GNG12: variants seen among roughly 807,000 people sequenced by gnomAD.
The protein encoded by GNG12 is G protein subunit gamma 12.
For synonymous variants in GNG12, 28 were observed against 29.7 expected, an observed-to-expected ratio of 0.94 and a Z score of 0.19; for missense variants, 69 against 83.8, an observed-to-expected ratio of 0.82 and a Z score of 0.69.
At chr1:67,757,288 G>A (rs1570518507) in intron 2 of GNG12, among the ~76,000 whole-genome samples, 1 of 152,180 alleles carries the variant, frequency 6.6e-6, no homozygotes, top group South Asian at 2.1e-4. Flanking sequence ...CACTTCTGGT[G>A]TCATGTCAGT....
chr1:67,783,621 T>C lies in GNG12; in HGVS notation c.-76-6114A>G, dbSNP rs556446542. 5.7e-4 allele frequency among the ~76,000 whole-genome samples: 86 copies of C among 151,564 alleles called. 4 individuals carry two copies. In the East Asian group the frequency reaches 0.015, roughly 27 times the overall value. On this transcript the variant is annotated intron_variant, in intron 1 of 3. Coordinates refer to ENST00000370982, the MANE Select transcript of GNG12 (RefSeq NM_018841.6). The stretch of plus-strand genomic sequence containing the variant: ...CTACAATGAACTCAAACAAATTTAC[T>C]AGAAAAAAACAACCCCATCAAAAAG...
intron 2 of GNG12, among the ~76,000 whole-genome samples, chr1:67,766,710 C>G (rs1646642603): frequency 1.3e-5 from 2 of 151,998 alleles, no homozygotes; most frequent in African/African-American, 2.4e-5. Flanking sequence ...GTAGGGCCTC[C>G]CTCTGAGAAA....
At chr1:67,818,612 A>G (rs1469647205) in intron 1 of GNG12, among the ~76,000 whole-genome samples, 1 of 152,092 alleles carries the variant, frequency 6.6e-6, no homozygotes, top group East Asian at 1.9e-4. Context: ...CAGATTGCTA[A>G]CAAAGAGGTC....
chr1:67,735,263 T>G (rs1646446671), intron 2 of GNG12, among the ~76,000 whole-genome samples: 2 of 152,248 alleles, frequency 1.3e-5, no homozygotes, highest in Admixed American at 6.5e-5. Flanking sequence ...CACGCAAGAC[T>G]TCTCAGGGTC....
chr1:67,707,037 G>C (rs970626978), intron 3 of GNG12, among the ~76,000 whole-genome samples: 17 of 152,160 alleles, frequency 1.1e-4, no homozygotes, highest in Non-Finnish European at 2.4e-4. Flanking sequence ...GGGATTTAGG[G>C]GAAAAGACTT....
chr1:67,821,139 C>A (rs1157533714), intron 1 of GNG12, among the ~76,000 whole-genome samples: 1 of 152,104 alleles, frequency 6.6e-6, no homozygotes, highest in East Asian at 1.9e-4. Context: ...CAGAAAGCTC[C>A]AAGGATGTCT....
chr1:67,819,815 G>C (rs555839291), intron 1 of GNG12, among the ~76,000 whole-genome samples: 44 of 152,276 alleles, frequency 2.9e-4, no homozygotes, highest in African/African-American at 1.0e-3. Flanking sequence ...TGCACTGGCT[G>C]TTCCCTCTAC....
chr1:67,753,535 T>C (rs1253467575), intron 2 of GNG12, among the ~76,000 whole-genome samples: 1 of 152,166 alleles, frequency 6.6e-6, no homozygotes, highest in African/African-American at 2.4e-5. Context: ...CAGCCAGAAC[T>C]GAAGCGGGGG....
At chr1:67,825,285 T>A (rs1439351097) in intron 1 of GNG12, among the ~76,000 whole-genome samples, 1 of 152,256 alleles carries the variant, frequency 6.6e-6, no homozygotes, top group African/African-American at 2.4e-5. Context: ...CCAGGTTAAA[T>A]GTGAAAGGCA....
intron 2 of GNG12, among the ~76,000 whole-genome samples, chr1:67,710,907 G>C (rs947159970): frequency 6.6e-6 from 1 of 152,126 alleles, no homozygotes; most frequent in South Asian, 2.1e-4. Context: ...AATATGTTGA[G>C]AATAAATGGG....
intron 1 of GNG12, among the ~76,000 whole-genome samples, chr1:67,800,306 T>A (rs1401068554): frequency 2.6e-5 from 4 of 152,208 alleles, no homozygotes; most frequent in Admixed American, 1.3e-4. Flanking sequence ...GGGGAAGTGG[T>A]CAAGCTCATG....
chr1:67,782,436 A>C (rs898907104), intron 1 of GNG12, among the ~76,000 whole-genome samples: 20 of 152,188 alleles, frequency 1.3e-4, no homozygotes, highest in African/African-American at 4.6e-4. Flanking sequence ...ATTTTAACCA[A>C]ATGGTACCAC....
chr1:67,757,632 C>G (rs759992750), intron 2 of GNG12, among the ~76,000 whole-genome samples: 8 of 152,214 alleles, frequency 5.3e-5, no homozygotes, highest in Non-Finnish European at 2.9e-5. Context: ...TCATGCCCTC[C>G]TGCCTTCCGG....
intron 2 of GNG12, among the ~76,000 whole-genome samples, chr1:67,773,725 T>C (rs572768379): frequency 4.6e-5 from 7 of 152,150 alleles, no homozygotes; most frequent in Non-Finnish European, 7.3e-5. Flanking sequence ...CACAGAGCAC[T>C]ATCAGGAAGT....
At position 67,709,877 on chromosome 1, in the gene GNG12, T is replaced by G. The variant is rs866960058; in HGVS notation, c.-26-2165A>C. Among the ~76,000 whole-genome samples, 534 of 120,424 alleles carry G rather than the reference T, an allele frequency of 4.4e-3. 9 individuals carry two copies. Among genetic ancestry groups the G allele is most frequent in the African/African-American group, 0.014 (408 of 29,286 alleles). 79.0% of individuals were successfully genotyped at this position (120,424 alleles called of 152,430 possible). On this transcript the variant is annotated intron_variant, in intron 2 of 3. Coordinates refer to ENST00000370982, the MANE Select transcript of GNG12 (RefSeq NM_018841.6). ...TTATATATATATAGTTATATATATA[T>G]TTATATATATAGTTATATATATATT...
chr1:67,814,574 T>C (rs1340693083), intron 1 of GNG12, among the ~76,000 whole-genome samples: 2 of 152,222 alleles, frequency 1.3e-5, no homozygotes. Context: ...TTTATAAACA[T>C]GGTACCTGCC....
intron 1 of GNG12, among the ~76,000 whole-genome samples, chr1:67,797,266 T>C (rs1415202233): frequency 2.0e-5 from 3 of 152,152 alleles, no homozygotes; most frequent in Non-Finnish European, 4.4e-5. Flanking sequence ...ATCATGCTCA[T>C]CAGAATAAGT....
intron 2 of GNG12, among the ~76,000 whole-genome samples, chr1:67,710,564 C>G (rs1280423669): frequency 2.0e-5 from 3 of 152,078 alleles, no homozygotes; most frequent in African/African-American, 7.2e-5. Context: ...TACAGTCAGA[C>G]TCTATTAATA....
chr1:67,817,272 C>G (rs1646958225), intron 1 of GNG12, among the ~76,000 whole-genome samples: 1 of 152,222 alleles, frequency 6.6e-6, no homozygotes, highest in Non-Finnish European at 1.5e-5. Context: ...CAGGTAAACA[C>G]TGATGGTCAG....
Sources: allele counts gnomAD v4.1 joint callset (sites outside exome capture counted in the v4.1 genomes callset), GRCh38; gene constraint gnomAD v4.1.1; transcripts MANE v1.5; gene names NCBI Gene and HGNC (gene_info 2026-07-23, HGNC 2026-07-21).